The following ASMTL variants were observed in gnomAD, a reference collection of about 807,000 sequenced individuals.
ASMTL encodes the protein probable bifunctional dTTP/UTP pyrophosphatase/methyltransferase protein.
In ASMTL, 57 loss-of-function variants were observed where a neutral mutation model predicts 60.3. The observed-to-expected ratio is 0.95, with a 90% CI of 0.76 to 1.18. ASMTL has a LOEUF of 1.18. ASMTL is among the 50% of genes most tolerant of loss of function. ASMTL has a pLI of 0.00. For missense variants in ASMTL, 981 were observed against 852.6 expected (o/e 1.15, Z -1.88); for synonymous variants, 419 against 373.0 (o/e 1.12, Z -1.42).
intron 12 of ASMTL, among the ~76,000 whole-genome samples, chrX:1,407,446 AGAT>A (rs1270311619): frequency 2.1e-5 from 3 of 146,290 alleles, no homozygotes; most frequent in African/African-American, 5.2e-5. Context: ...AATAGATGGT[AGAT>A]GATAGGTAGA....
At chrX:1,439,965 C>T (rs2091067427) in intron 2 of ASMTL, among the ~76,000 whole-genome samples, 1 of 152,132 alleles carries the variant, frequency 6.6e-6, no homozygotes, top group African/African-American at 2.4e-5. Context: ...CTGTGTGCAG[C>T]TTTGACCTTA....
At chrX:1,405,388 G>T in intron 12 of ASMTL, among the ~76,000 whole-genome samples, 1 of 149,448 alleles carries the variant, frequency 6.7e-6, no homozygotes, top group African/African-American at 2.5e-5. Context: ...GAATAGGTAG[G>T]TAGGTAGATA....
intron 10 of ASMTL, 58 bp from the exon 11 acceptor site, chrX:1,418,174 C>T: frequency 1.3e-6 from 2 of 1,520,192 alleles, no homozygotes; most frequent in East Asian, 2.3e-5. Flanking sequence ...TCTGACGACT[C>T]TCCAAAGCTC....
intron 9 of ASMTL, among the ~76,000 whole-genome samples, chrX:1,421,053 G>A (rs184700415): frequency 3.3e-5 from 5 of 151,308 alleles, no homozygotes; most frequent in East Asian, 1.9e-4. Context: ...ACCACATCCC[G>A]GGTTCAAGTG....
chrX:1,445,473 G>A (rs1387750235), intron 1 of ASMTL, among the ~76,000 whole-genome samples: 1 of 152,054 alleles, frequency 6.6e-6, no homozygotes, highest in African/African-American at 2.4e-5. Flanking sequence ...CATAATGACA[G>A]CAGATGGCCC....
rs1380280532 is a variant in ASMTL at position 1,418,086 on chromosome X, G to T, written c.1409C>A (p.Ala470Asp). ...CACCTGCATACGAGGGTACTCACGG[G>T]CCAGCTCTCGGGCCAGTGCACCCGT... is the stretch of plus-strand genomic sequence containing the variant. ...GCTGALAREL[A>D]REYPRMQVTV... is the part of the protein sequence containing the mutation. Residue 470 changes from alanine to aspartate, a missense_variant, in exon 11 of 13, where the codon GCC becomes GAC. Ala to Asp is a moderately radical substitution (Grantham distance 126). Coordinates refer to ENST00000381317, the MANE Select transcript of ASMTL (RefSeq NM_004192.4). The T allele has an allele frequency of 6.2e-7, 1 of 1,611,770 alleles. No individual in the cohort carries two copies. The highest frequency in any genetic ancestry group is 8.5e-7 in the Non-Finnish European group (1 of 1,178,426).
intron 5 of ASMTL, 38 bp downstream of exon 5, chrX:1,434,984 G>C (rs768751883): frequency 6.2e-7 from 1 of 1,612,034 alleles, no homozygotes; most frequent in Non-Finnish European, 8.5e-7. Context: ...TCCTTGTCTC[G>C]GCCTCTGGGG....
chrX:1,416,150 C>G (rs1466127683), intron 11 of ASMTL, among the ~76,000 whole-genome samples: 5 of 151,356 alleles, frequency 3.3e-5, no homozygotes, highest in Non-Finnish European at 5.9e-5. Context: ...CAGATGGGCA[C>G]ACACACATGG....
At chrX:1,441,772 C>T (rs1274714846) in intron 2 of ASMTL, 2 of 168,350 alleles carry the variant, frequency 1.2e-5, no homozygotes, top group Middle Eastern at 2.6e-3. Flanking sequence ...TACATTAATT[C>T]TGTATCATCA....
intron 1 of ASMTL, among the ~76,000 whole-genome samples, chrX:1,452,489 T>A (rs2091421966): frequency 7.1e-6 from 1 of 141,602 alleles, no homozygotes. Context: ...CCCTCCCCCA[T>A]CCCTATGGGG....
chrX:1,444,309 A>C (rs1462970242), intron 1 of ASMTL, among the ~76,000 whole-genome samples: 2 of 151,638 alleles, frequency 1.3e-5, no homozygotes, highest in Non-Finnish European at 2.9e-5. Context: ...CCCAGGATCA[A>C]GCGATTCTCC....
intron 2 of ASMTL, among the ~76,000 whole-genome samples, chrX:1,439,383 T>C (rs1214234236): frequency 2.6e-5 from 4 of 151,952 alleles, no homozygotes; most frequent in African/African-American, 9.7e-5. Flanking sequence ...TGATCAGGGG[T>C]CAGGCACTCA....
intron 8 of ASMTL, 123 bp from the exon 9 acceptor site, chrX:1,421,965 A>G: frequency 2.3e-6 from 2 of 888,658 alleles, no homozygotes. Context: ...CAAACCGTAC[A>G]CTCAAGGAAA....
In ASMTL at chrX:1,452,886, C is replaced by A; in HGVS notation, c.-46G>T. The A allele has an allele frequency of 7.1e-7, 1 of 1,410,930 alleles. No individual in the cohort carries two copies. Among genetic ancestry groups the A allele is most frequent in the Non-Finnish European group, 9.4e-7 (1 of 1,058,852 alleles). 87.4% of individuals were successfully genotyped at this position (1,410,930 alleles called of 1,614,324 possible). ...GGCGTCCGCACTTCTGAGCCCGGAG[C>A]CCGCGGTGCGCGCAGCGCGGCTGCA... On this transcript the variant is annotated 5_prime_UTR_variant, in exon 1 of 13. Coordinates refer to ENST00000381317, the MANE Select transcript of ASMTL (RefSeq NM_004192.4).
chrX:1,426,159 A>C (rs5989890), intron 7 of ASMTL, among the ~76,000 whole-genome samples: 1 of 151,494 alleles, frequency 6.6e-6, no homozygotes, highest in African/African-American at 2.4e-5. Context: ...GGGAGAAGAC[A>C]GCATCTCCAA....
Position 1,451,838 on chromosome X carries a change from C to T in ASMTL, c.93+910G>A, listed in dbSNP as rs1412660655. On this transcript the variant is annotated intron_variant, in intron 1 of 12. Coordinates refer to ENST00000381317, the MANE Select transcript of ASMTL (RefSeq NM_004192.4). ...GCCTGGGGGTCCCGGGTTACTCTCC[C>T]CATCCCCATCCATGGGGCTCCGGGG... 1.5e-4 allele frequency among the ~76,000 whole-genome samples: 22 copies of T among 143,430 alleles called. No homozygotes were observed. The South Asian group carries it at 3.7e-3, about 24-fold the overall frequency. The allele number at this position is 143,430 out of a possible 152,430, so 94.1% of individuals were successfully genotyped here. A position where few individuals can be genotyped will look rare whatever the true frequency, so the allele number is the denominator to read the frequency against.
chrX:1,425,842 G>A (rs2090600013), intron 7 of ASMTL, 155 bp from the exon 8 acceptor site: 4 of 253,528 alleles, frequency 1.6e-5, no homozygotes, highest in Non-Finnish European at 2.5e-5. Context: ...ATAGGATCAA[G>A]TCCCCAGCTA....
chrX:1,429,877 C>T (rs1205699932), intron 6 of ASMTL, among the ~76,000 whole-genome samples: 2 of 152,066 alleles, frequency 1.3e-5, no homozygotes, highest in Non-Finnish European at 2.9e-5. Flanking sequence ...ATTATCCCAT[C>T]GAGCACCTCA....
At chrX:1,428,384 G>A (rs1459952674) in intron 6 of ASMTL, among the ~76,000 whole-genome samples, 4 of 151,594 alleles carry the variant, frequency 2.6e-5, no homozygotes, top group African/African-American at 7.3e-5. Flanking sequence ...GCTCACGGCT[G>A]TAATCCCAGC....
Sources: allele counts gnomAD v4.1 joint callset (sites outside exome capture counted in the v4.1 genomes callset), GRCh38; gene constraint gnomAD v4.1.1; transcripts MANE v1.5; gene names NCBI Gene and HGNC (gene_info 2026-07-23, HGNC 2026-07-21).